Variants in CCDC175 observed in about 807,000 individuals in gnomAD.
The protein encoded by CCDC175 is coiled-coil domain-containing protein 175.
A neutral mutation model predicts 114.6 loss-of-function variants in CCDC175; 100 were observed. The ratio of observed to expected loss-of-function variants is 0.87; its 90% CI spans 0.74 to 1.03. The LOEUF is 1.03. Among genes scored for constraint, CCDC175 ranks in the 50% least tolerant of loss-of-function variants. The probability of loss-of-function intolerance (pLI) is 0.00; values close to 1 mark genes in which losing one functional copy is unlikely to be tolerated. For missense variants in CCDC175, 880 were observed against 917.8 expected (o/e 0.96, Z 0.53); for synonymous variants, 306 against 308.7 (o/e 0.99, Z 0.09).
At chr14:59,506,378 C>T (rs1354368939) in intron 19 of CCDC175, among the ~76,000 whole-genome samples, 3 of 151,266 alleles carry the variant, frequency 2.0e-5, no homozygotes, top group Non-Finnish European at 4.4e-5. Flanking sequence ...ACCTCCACCT[C>T]CTGGGTTCAA....
At chr14:59,530,402 CAGAG>C (rs201889651) in intron 14 of CCDC175, among the ~76,000 whole-genome samples, 3 of 120,144 alleles carry the variant, frequency 2.5e-5, no homozygotes, top group East Asian at 2.4e-4. Flanking sequence ...AAGAAAGAGA[CAGAG>C]AGAGAGAGAA....
chr14:59,533,987 T>TA (rs3084296), intron 13 of CCDC175, among the ~76,000 whole-genome samples: 8,295 of 133,506 alleles, frequency 0.062, 290 homozygotes, highest in African/African-American at 0.085. Flanking sequence ...AGACCCCTTT[T>TA]AAAAAAAAAA....
At chr14:59,516,080 C>T (rs1355030024) in intron 17 of CCDC175, among the ~76,000 whole-genome samples, 2 of 152,052 alleles carry the variant, frequency 1.3e-5, no homozygotes, top group African/African-American at 2.4e-5. Context: ...GGGTACATAA[C>T]GAAATGAAGG....
At chr14:59,526,481 G>C (rs188015985) in intron 15 of CCDC175, among the ~76,000 whole-genome samples, 5 of 151,836 alleles carry the variant, frequency 3.3e-5, no homozygotes, top group African/African-American at 1.2e-4. Context: ...GCTTGAACCT[G>C]GGAGGCTGAG....
chr14:59,572,644 G>A, intron 3 of CCDC175, 58 bp downstream of exon 3: 4 of 907,912 alleles, frequency 4.4e-6, no homozygotes, highest in South Asian at 1.7e-5. Context: ...CTTGTTGAAA[G>A]TACTTCATTC....
At chr14:59,506,421 G>C (rs1260634152) in intron 19 of CCDC175, among the ~76,000 whole-genome samples, 2 of 151,744 alleles carry the variant, frequency 1.3e-5, no homozygotes, top group East Asian at 3.9e-4. Flanking sequence ...CCAAGCAGCT[G>C]GGATTATAGG....
chr14:59,558,176 G>A (rs192200234), intron 7 of CCDC175, among the ~76,000 whole-genome samples: 9 of 152,272 alleles, frequency 5.9e-5, no homozygotes, highest in East Asian at 1.9e-4. Context: ...TGGTGTGTTC[G>A]AGGAAGAAGG....
intron 19 of CCDC175, among the ~76,000 whole-genome samples, chr14:59,507,236 CTG>C (rs1308518723): frequency 6.6e-6 from 1 of 152,346 alleles, no homozygotes; most frequent in African/African-American, 2.4e-5. Flanking sequence ...CAGCTTATGT[CTG>C]TGCTTCTCCT....
chr14:59,543,498 A>G, intron 9 of CCDC175, 44 bp from the exon 10 acceptor site: 1 of 666,816 alleles, frequency 1.5e-6, no homozygotes, highest in Non-Finnish European at 2.4e-6. Context: ...TGACATAAAT[A>G]TGCAAACACA....
At chr14:59,528,678 T>G (rs1893890779) in intron 14 of CCDC175, among the ~76,000 whole-genome samples, 1 of 152,154 alleles carries the variant, frequency 6.6e-6, no homozygotes, top group Non-Finnish European at 1.5e-5. Context: ...CTGATTTTTT[T>G]CTGGTCTTGT....
chr14:59,556,230 C>A (rs760845637), intron 7 of CCDC175, among the ~76,000 whole-genome samples: 1 of 152,170 alleles, frequency 6.6e-6, no homozygotes, highest in Non-Finnish European at 1.5e-5. Flanking sequence ...GCTACAGTAA[C>A]CAAAACAGCA....
At chr14:59,507,826 G>C (rs1224996566) in intron 19 of CCDC175, among the ~76,000 whole-genome samples, 1 of 152,200 alleles carries the variant, frequency 6.6e-6, no homozygotes, top group Non-Finnish European at 1.5e-5. Context: ...GTAAGAAGCA[G>C]AGCTTAGCTG....
intron 14 of CCDC175, among the ~76,000 whole-genome samples, chr14:59,528,046 A>G (rs1293702631): frequency 6.6e-6 from 1 of 152,146 alleles, no homozygotes; most frequent in African/African-American, 2.4e-5. Flanking sequence ...TCTTCAGGAA[A>G]AAGAGTAAAT....
At chr14:59,573,845 C>G (rs1303307878) in intron 2 of CCDC175, among the ~76,000 whole-genome samples, 1 of 152,072 alleles carries the variant, frequency 6.6e-6, no homozygotes, top group Non-Finnish European at 1.5e-5. Flanking sequence ...AGACTCCTGA[C>G]CTCAAGTGAT....
chr14:59,508,399 T>TACACACGCACACACACAC (rs1892549434), intron 19 of CCDC175, among the ~76,000 whole-genome samples: 1 of 97,350 alleles, frequency 1.0e-5, no homozygotes, highest in Non-Finnish European at 1.9e-5. Flanking sequence ...GTCTCCAAAA[T>TACACACGCACACACACAC]ACACACACAC....
chr14:59,549,719 CAA>C (rs370269871), intron 8 of CCDC175, among the ~76,000 whole-genome samples: 2 of 89,596 alleles, frequency 2.2e-5, no homozygotes, highest in Non-Finnish European at 2.1e-5. Context: ...GACTATGTCT[CAA>C]AAAAAAAAAG....
chr14:59,560,300 A>AT (rs1896152580), intron 7 of CCDC175, among the ~76,000 whole-genome samples: 1 of 152,154 alleles, frequency 6.6e-6, no homozygotes, highest in East Asian at 1.9e-4. Context: ...GGTTACTTGT[A>AT]TTTTGGGAAT....
At chr14:59,568,629 T>G (rs973407881) in intron 3 of CCDC175, among the ~76,000 whole-genome samples, 1 of 152,146 alleles carries the variant, frequency 6.6e-6, no homozygotes, top group Non-Finnish European at 1.5e-5. Context: ...AGTGCCTGAT[T>G]CCCGCCCGTT....
At chr14:59,547,211 C>G (rs1275582785) in intron 8 of CCDC175, among the ~76,000 whole-genome samples, 1 of 152,142 alleles carries the variant, frequency 6.6e-6, no homozygotes, top group Non-Finnish European at 1.5e-5. Context: ...TGCAACTGAA[C>G]AGCTAAGGCA....
Sources: gnomAD v4.1 joint callset for allele counts (sites outside exome capture counted in the v4.1 genomes callset) on GRCh38, gnomAD v4.1.1 for gene constraint, MANE v1.5 for transcripts, NCBI Gene and HGNC (gene_info 2026-07-23, HGNC 2026-07-21) for gene names.